The following CRTC3 variants were observed in gnomAD, a reference collection of about 807,000 sequenced individuals.
CRTC3 encodes the protein CREB regulated transcription coactivator 3, also known as CREB-regulated transcription coactivator 3.
A neutral mutation model predicts 74.5 loss-of-function variants in CRTC3; 26 were observed. The observed-to-expected ratio is 0.35, with a 90% CI of 0.26 to 0.48. The LOEUF is 0.48. Ranked by LOEUF, CRTC3 falls within the 20% of genes least tolerant of loss-of-function variation. The pLI is 0.99. For synonymous variants in CRTC3, 377 were observed against 325.8 expected (o/e 1.16, Z -1.69); for missense variants, 760 against 787.3 (o/e 0.97, Z 0.41).
intron 10 of CRTC3, 142 bp downstream of exon 10, chr15:90,626,135 C>T (rs1251281702): frequency 2.8e-6 from 2 of 707,908 alleles, no homozygotes; most frequent in Non-Finnish European, 5.0e-6. Flanking sequence ...TCTCCTGACC[C>T]TGCGGACATT....
At chr15:90,546,913 A>G (rs1334017279) in intron 2 of CRTC3, among the ~76,000 whole-genome samples, 4 of 151,972 alleles carry the variant, frequency 2.6e-5, no homozygotes, top group East Asian at 3.9e-4. Flanking sequence ...GTGAGCCACA[A>G]CGCCCGGCCA....
At chr15:90,624,947 G>A (rs995359986) in intron 9 of CRTC3, 1 of 152,524 alleles carries the variant, frequency 6.6e-6, no homozygotes, top group Non-Finnish European at 1.5e-5. Flanking sequence ...AGAACTAGGG[G>A]GAAGAGAAGG....
intron 2 of CRTC3, among the ~76,000 whole-genome samples, chr15:90,545,618 CCAGGCTGGAGTG>C (rs1262623671): frequency 6.6e-6 from 1 of 151,818 alleles, no homozygotes; most frequent in Non-Finnish European, 1.5e-5. Context: ...ACTCTTTCGC[CCAGGCTGGAGTG>C]CAGTGGCACG....
Position 90,607,602 on chromosome 15 carries a change from G to A in CRTC3, c.577+124G>A, listed in dbSNP as rs1057102136. ...TTCAGTGATCTTAGAGAGGCAGCTC[G>A]TGGCAGGGAAGCGTGTGTGTCCATG... On this transcript the variant is annotated intron_variant, in intron 6 of 14. Transcript: ENST00000268184. 91 of 622,492 alleles carry A rather than the reference G, an allele frequency of 1.5e-4. 1 individual carries two copies. In the East Asian group the frequency reaches 2.5e-3, roughly 17 times the overall value. The allele number at this position is 622,492 out of a possible 1,614,324, so 38.6% of individuals were successfully genotyped here.
chr15:90,545,463 G>A (rs1325486996), intron 2 of CRTC3, among the ~76,000 whole-genome samples: 2 of 149,320 alleles, frequency 1.3e-5, no homozygotes, highest in Non-Finnish European at 3.0e-5. Context: ...GTAGTGGCGT[G>A]ATCTCAGCTC....
chr15:90,625,432 C>T (rs2151090907), intron 9 of CRTC3, among the ~76,000 whole-genome samples: 1 of 152,338 alleles, frequency 6.6e-6, no homozygotes, highest in South Asian at 2.1e-4. Flanking sequence ...GCAAAGATAA[C>T]TTAAAAATCT....
chr15:90,590,532 G>A (rs1338214151), intron 2 of CRTC3, among the ~76,000 whole-genome samples: 1 of 151,902 alleles, frequency 6.6e-6, no homozygotes, highest in African/African-American at 2.4e-5. Flanking sequence ...CCTAATTTTT[G>A]TATTTTTAGT....
At chr15:90,594,118 A>G (rs1051174091) in intron 3 of CRTC3, 2 of 164,796 alleles carry the variant, frequency 1.2e-5, no homozygotes, top group Admixed American at 6.4e-5. Flanking sequence ...AAAAATGGAC[A>G]TAGAGATATG....
chr15:90,569,130 C>T (rs1271396261), intron 2 of CRTC3, among the ~76,000 whole-genome samples: 1 of 151,634 alleles, frequency 6.6e-6, no homozygotes, highest in East Asian at 2.0e-4. Flanking sequence ...GTAGCTGGAA[C>T]TACAGGCATA....
chr15:90,609,320 AGAG>A (rs1968303775), intron 6 of CRTC3, among the ~76,000 whole-genome samples: 1 of 152,212 alleles, frequency 6.6e-6, no homozygotes, highest in Admixed American at 6.5e-5. Flanking sequence ...CTCACTGCTT[AGAG>A]GAGTGGGGTG....
At position 90,570,426 on chromosome 15, in the gene CRTC3, C is replaced by T. The variant is rs573094118; in HGVS notation, c.232-23210C>T. 5.9e-5 allele frequency among the ~76,000 whole-genome samples: 9 copies of T among 152,206 alleles called. No individual in the cohort carries two copies. The South Asian group carries it at 1.5e-3, about 25-fold the overall frequency. On this transcript the variant is annotated intron_variant, in intron 2 of 14. Coordinates refer to ENST00000268184, the MANE Select transcript of CRTC3 (RefSeq NM_022769.5). ...CTTTATAGACCCTCATTAGAAAAGT[C>T]GGTTATGTGGGCATCAGTATGAGCC... is the stretch of plus-strand genomic sequence containing the variant.
At chr15:90,604,290 G>A (rs1968159543) in intron 4 of CRTC3, 95 bp from the exon 5 acceptor site, 5 of 893,810 alleles carry the variant, frequency 5.6e-6, no homozygotes, top group Non-Finnish European at 9.5e-6. Flanking sequence ...AGCGAGGTGA[G>A]TAGAAGAGCC....
chr15:90,643,953 C>T lies in CRTC3; in HGVS notation c.*1813C>T, dbSNP rs1969539937. 4.3e-6 allele frequency: 1 copy of T among 232,712 alleles called. No individual in the cohort carries two copies. Among genetic ancestry groups the T allele is most frequent in the African/African-American group, 2.2e-5 (1 of 45,378 alleles). 14.4% of individuals were successfully genotyped at this position (232,712 alleles called of 1,614,324 possible). A position where few individuals can be genotyped will look rare whatever the true frequency, so the allele number is the denominator to read the frequency against. On this transcript the variant is annotated 3_prime_UTR_variant, in exon 15 of 15. Transcript: ENST00000268184. ...GTAAAAGGAGTCGTGGTCACAAGAC[C>T]CTGGGCTGGTTAGCCTCTCCCGACC... is the stretch of plus-strand genomic sequence containing the variant.
chr15:90,559,246 G>A (rs1309310350), intron 2 of CRTC3, among the ~76,000 whole-genome samples: 1 of 152,108 alleles, frequency 6.6e-6, no homozygotes, highest in African/African-American at 2.4e-5. Context: ...AATTTTGTAT[G>A]TATTATCTCA....
At chr15:90,535,835 G>A (rs1379507371) in intron 1 of CRTC3, among the ~76,000 whole-genome samples, 2 of 152,170 alleles carry the variant, frequency 1.3e-5, no homozygotes, top group East Asian at 3.9e-4. Flanking sequence ...CCTATGGTGT[G>A]TATATCTGGA....
intron 2 of CRTC3, among the ~76,000 whole-genome samples, chr15:90,545,279 A>G (rs894668415): frequency 6.6e-6 from 1 of 152,162 alleles, no homozygotes; most frequent in East Asian, 1.9e-4. Context: ...CCTCTTGGCT[A>G]TTGTGAATAA....
chr15:90,621,269 G>T (rs1028970265), intron 9 of CRTC3, among the ~76,000 whole-genome samples: 6 of 152,192 alleles, frequency 3.9e-5, no homozygotes, highest in African/African-American at 1.4e-4. Flanking sequence ...GAATTGGGCT[G>T]CAGTACTTTA....
intron 3 of CRTC3, among the ~76,000 whole-genome samples, chr15:90,597,373 C>T (rs1472634424): frequency 2.0e-5 from 3 of 151,400 alleles, no homozygotes; most frequent in Admixed American, 6.6e-5. Context: ...GAAGGAAACA[C>T]GAAATGCCTT....
intron 2 of CRTC3, among the ~76,000 whole-genome samples, chr15:90,592,706 C>G (rs1967829078): frequency 6.6e-6 from 1 of 152,086 alleles, no homozygotes; most frequent in African/African-American, 2.4e-5. Flanking sequence ...CTCTTTAACT[C>G]AGGGGTTACA....
Sources: allele counts gnomAD v4.1 joint callset (sites outside exome capture counted in the v4.1 genomes callset), GRCh38; gene constraint gnomAD v4.1.1; transcripts MANE v1.5; gene names NCBI Gene and HGNC (gene_info 2026-07-23, HGNC 2026-07-21).